The following ZBTB44 variants were observed in gnomAD, a reference collection of about 807,000 sequenced individuals.
ZBTB44 encodes the protein zinc finger and BTB domain containing 44, also known as zinc finger and BTB domain-containing protein 44.
ZBTB44 carries 15 observed loss-of-function variants against 54.0 expected under a neutral mutation model. The observed-to-expected ratio is 0.28, with a 90% confidence interval of 0.19 to 0.43. The LOEUF is 0.43. ZBTB44 is among the 20% of genes least tolerant of loss of function. The probability of loss-of-function intolerance (pLI) is 1.00; values close to 1 mark genes in which losing one functional copy is unlikely to be tolerated. For missense variants in ZBTB44, 487 were observed against 707.1 expected (o/e 0.69, Z 3.53); for synonymous variants, 230 against 250.1 (o/e 0.92, Z 0.76).
rs190738990 is a variant in ZBTB44 at position 130,237,740 on chromosome 11, G to A, written c.1268-647C>T. On this transcript the variant is annotated intron_variant, in intron 4 of 7. Coordinates refer to ENST00000357899, the MANE Select transcript of ZBTB44 (RefSeq NM_001301098.2). The stretch of plus-strand genomic sequence containing the variant: ...AGTCTACGGATTGAACAAAGTCACA[G>A]AGAATTGGTGCTAGGACAGGGACTG... 4.6e-5 allele frequency among the ~76,000 whole-genome samples: 7 copies of A among 152,326 alleles called. No individual in the cohort carries two copies. In the East Asian group the frequency reaches 1.4e-3, roughly 29 times the overall value.
chr11:130,255,718 C>T (rs1938375782), intron 2 of ZBTB44, among the ~76,000 whole-genome samples: 1 of 151,966 alleles, frequency 6.6e-6, no homozygotes. Flanking sequence ...AAAGGGATGT[C>T]ATTATTGATC....
intron 1 of ZBTB44, among the ~76,000 whole-genome samples, chr11:130,278,589 A>T (rs781166441): frequency 1.3e-5 from 2 of 151,724 alleles, no homozygotes; most frequent in Non-Finnish European, 2.9e-5. Context: ...GGTATGTGGG[A>T]TGGTGTCTTA....
chr11:130,274,136 T>C (rs1939881059), intron 1 of ZBTB44, among the ~76,000 whole-genome samples: 1 of 151,808 alleles, frequency 6.6e-6, no homozygotes, highest in South Asian at 2.1e-4. Context: ...TTTTAGAATA[T>C]TTGCATTACA....
At chr11:130,244,951 G>C (rs1000216185) in intron 2 of ZBTB44, among the ~76,000 whole-genome samples, 2 of 152,166 alleles carry the variant, frequency 1.3e-5, no homozygotes. Flanking sequence ...GAAAACTTGT[G>C]ACAGGGTTAC....
chr11:130,259,190 C>T (rs146475065), intron 2 of ZBTB44, among the ~76,000 whole-genome samples: 3 of 152,270 alleles, frequency 2.0e-5, no homozygotes, highest in Admixed American at 2.0e-4. Flanking sequence ...ATCAAGTTAC[C>T]ATTGACTTTC....
rs1940424383 is a variant in ZBTB44, at chr11:130,280,487, A to G, written c.-56-18558T>C. On this transcript the variant is annotated intron_variant, in intron 1 of 7. Coordinates refer to ENST00000357899, the MANE Select transcript of ZBTB44 (RefSeq NM_001301098.2). Reference sequence around the variant, plus strand: ...ACAGAAATGAAAGAAAAAATATACAAGGCCCTAATCTTAGAGACTTTAACA... The same window carrying G: ...ACAGAAATGAAAGAAAAAATATACAGGGCCCTAATCTTAGAGACTTTAACA... 2.6e-5 allele frequency among the ~76,000 whole-genome samples: 4 copies of G among 152,244 alleles called. No homozygotes were observed. In the South Asian group the frequency reaches 8.3e-4, roughly 31 times the overall value.
At chr11:130,277,897 T>G (rs1275915897) in intron 1 of ZBTB44, among the ~76,000 whole-genome samples, 1 of 152,220 alleles carries the variant, frequency 6.6e-6, no homozygotes, top group South Asian at 2.1e-4. Flanking sequence ...GTTGACAGTT[T>G]TCTTCCCTCG....
In ZBTB44 at chr11:130,283,202, C is replaced by G. The variant is rs570673297; in HGVS notation, c.-56-21273G>C. 2.0e-5 allele frequency among the ~76,000 whole-genome samples: 3 copies of G among 151,928 alleles called. No homozygotes were observed. The South Asian group carries it at 6.2e-4, about 32-fold the overall frequency. On this transcript the variant is annotated intron_variant, in intron 1 of 7. Coordinates refer to ENST00000357899, the MANE Select transcript of ZBTB44 (RefSeq NM_001301098.2). Reference sequence around the variant, plus strand: ...TGGGATAACAGGTGTACGGGACTCACCTGGCTAATTTTTTTGTATTTTTAG... The same window carrying G: ...TGGGATAACAGGTGTACGGGACTCAGCTGGCTAATTTTTTTGTATTTTTAG...
chr11:130,298,747 G>GC (rs1467339546), intron 1 of ZBTB44, among the ~76,000 whole-genome samples: 1 of 152,020 alleles, frequency 6.6e-6, no homozygotes, highest in African/African-American at 2.4e-5. Context: ...ACAGGCGTGA[G>GC]CCACCACGCC....
intron 1 of ZBTB44, among the ~76,000 whole-genome samples, chr11:130,294,538 CAAAAAAAAAAA>C (rs11322495): frequency 4.3e-3 from 211 of 48,666 alleles, no homozygotes; most frequent in African/African-American, 0.012. Flanking sequence ...TCTATATGAC[CAAAAAAAAAAA>C]AAAAAAAAAA....
In ZBTB44 at chr11:130,226,884, A is replaced by G. The variant is rs975877167; in HGVS notation, c.*4880T>C. 1.3e-5 allele frequency: 2 copies of G among 152,194 alleles called. No homozygotes were observed. The highest frequency in any genetic ancestry group is 2.9e-5 in the Non-Finnish European group (2 of 68,050). 9.4% of individuals were successfully genotyped at this position (152,194 alleles called of 1,614,324 possible). On this transcript the variant is annotated 3_prime_UTR_variant, in exon 8 of 8. Coordinates refer to ENST00000357899, the MANE Select transcript of ZBTB44 (RefSeq NM_001301098.2). ...TTTAAACCTTTTTTAAAAAGATTAA[A>G]CAATCAGGCTAGCAAAAAGGTACTC...
At chr11:130,305,107 G>A (rs894033411) in intron 1 of ZBTB44, among the ~76,000 whole-genome samples, 6 of 152,130 alleles carry the variant, frequency 3.9e-5, no homozygotes, top group Admixed American at 1.3e-4. Context: ...ACAAATCATC[G>A]ATGACACAAA....
At chr11:130,264,433 G>A (rs1369395423) in intron 1 of ZBTB44, among the ~76,000 whole-genome samples, 1 of 152,132 alleles carries the variant, frequency 6.6e-6, no homozygotes, top group African/African-American at 2.4e-5. Flanking sequence ...AGGAGGGAAA[G>A]CTTTTACTCT....
At chr11:130,233,690 G>A in intron 6 of ZBTB44, 4 of 1,236,258 alleles carry the variant, frequency 3.2e-6, no homozygotes, top group Non-Finnish European at 4.1e-6. Context: ...CTAATGATCT[G>A]TTGTTAGCCT....
intron 1 of ZBTB44, among the ~76,000 whole-genome samples, chr11:130,275,483 C>G (rs1314797772): frequency 1.3e-5 from 2 of 152,040 alleles, no homozygotes; most frequent in African/African-American, 4.8e-5. Flanking sequence ...CTAACCCACT[C>G]TAGAATATTT....
In ZBTB44 at chr11:130,230,438, A is replaced by AGTT. The variant is rs1953836806; in HGVS notation, c.*1323_*1325dup. 1 of 48,990 alleles carries AGTT rather than the reference A, an allele frequency of 2.0e-5. No individual in the cohort carries two copies. The highest frequency in any genetic ancestry group is 7.2e-5 in the African/African-American group (1 of 13,930). The allele number at this position is 48,990 out of a possible 1,614,324, so 3.0% of individuals were successfully genotyped here. ...GTTTTTTTTTTTTTTTTTTTTTGCTAGTTATTAAGAACAAAGGGCATGTGT... is the reference window on the plus strand; with the variant it reads ...GTTTTTTTTTTTTTTTTTTTTTGCTAGTTGTTATTAAGAACAAAGGGCATGTGT... On this transcript the variant is annotated 3_prime_UTR_variant, in exon 8 of 8. Transcript: ENST00000357899.
At chr11:130,310,476 TAAAAA>T (rs567049565) in intron 1 of ZBTB44, 3 of 141,990 alleles carry the variant, frequency 2.1e-5, no homozygotes, top group African/African-American at 7.7e-5. Flanking sequence ...CCCCCGTCTT[TAAAAA>T]AAAAAAAAAG....
intron 1 of ZBTB44, among the ~76,000 whole-genome samples, chr11:130,267,970 G>A (rs1591991277): frequency 6.6e-6 from 1 of 151,724 alleles, no homozygotes; most frequent in Non-Finnish European, 1.5e-5. Context: ...CTACTCGGGA[G>A]GCTGAGGCAG....
intron 3 of ZBTB44, chr11:130,239,596 A>C (rs1954263781): frequency 2.7e-6 from 1 of 363,862 alleles, no homozygotes; most frequent in Non-Finnish European, 5.1e-6. Context: ...ATACGATTTA[A>C]AGCAATGGGA....
Sources: allele counts gnomAD v4.1 joint callset (sites outside exome capture counted in the v4.1 genomes callset), GRCh38; gene constraint gnomAD v4.1.1; transcripts MANE v1.5; gene names NCBI Gene and HGNC (gene_info 2026-07-23, HGNC 2026-07-21).